Variants in COG8 observed in about 807,000 individuals in gnomAD.
COG8 encodes the protein conserved oligomeric Golgi complex subunit 8.
In COG8, 45 loss-of-function variants were observed where a neutral mutation model predicts 46.5. That is an observed-to-expected ratio of 0.97 (90% CI 0.76 to 1.24). The LOEUF is 1.24. Ranked by LOEUF, COG8 falls within the 50% of genes most tolerant of loss-of-function variation. The probability of loss-of-function intolerance (pLI) is 0.00; values close to 1 mark genes in which losing one functional copy is unlikely to be tolerated. For missense variants in COG8, 793 were observed against 820.8 expected, an observed-to-expected ratio of 0.97 and a Z score of 0.41; for synonymous variants, 407 against 347.8, an observed-to-expected ratio of 1.17 and a Z score of -1.90.
intron 2 of COG8, among the ~76,000 whole-genome samples, 173 bp downstream of exon 2, chr16:69,336,332 G>A (rs1162557025): frequency 6.6e-6 from 1 of 152,174 alleles, no homozygotes. Context: ...AGCAGTGCTT[G>A]GCACATGATT....
In COG8 at chr16:69,328,709, T is replaced by G. The variant is rs1378666158; in HGVS notation, c.*497A>C. 1 of 317,334 alleles carries G rather than the reference T, an allele frequency of 3.2e-6. No homozygotes were observed. The highest frequency in any genetic ancestry group is 9.2e-5 in the East Asian group (1 of 10,836). The allele number at this position is 317,334 out of a possible 1,614,324, so 19.7% of individuals were successfully genotyped here. A position where few individuals can be genotyped will look rare whatever the true frequency, so the allele number is the denominator to read the frequency against. On this transcript the variant is annotated 3_prime_UTR_variant, in exon 6 of 6. Coordinates refer to ENST00000306875, the MANE Select transcript of COG8 (RefSeq NM_032382.5). ...ACCAAACCTTGGCTTTGGGAGATTA[T>G]ACAGGTCCGAGGAACTCGTGTCTAC... is the stretch of plus-strand genomic sequence containing the variant.
At chr16:69,339,007 A>T in intron 1 of COG8, 169 bp downstream of exon 1, 2 of 904,606 alleles carry the variant, frequency 2.2e-6, no homozygotes, top group Non-Finnish European at 3.3e-6. Context: ...AAGATAAAAA[A>T]GGAATAACAG....
chr16:69,332,611 G>T (rs562235477), intron 4 of COG8, 103 bp downstream of exon 4: 4 of 1,096,460 alleles, frequency 3.6e-6, no homozygotes, highest in Non-Finnish European at 5.6e-6. Flanking sequence ...TCTAAAATTG[G>T]ATTCATATTT....
Position 69,330,825 on chromosome 16 carries a change from G to C in COG8, c.*14C>G. 1 of 1,532,302 alleles carries C rather than the reference G, an allele frequency of 6.5e-7. No individual in the cohort carries two copies. Among genetic ancestry groups the C allele is most frequent in the Non-Finnish European group, 8.7e-7 (1 of 1,143,792 alleles). The allele number at this position is 1,532,302 out of a possible 1,614,324, so 94.9% of individuals were successfully genotyped here. A position where few individuals can be genotyped will look rare whatever the true frequency, so the allele number is the denominator to read the frequency against. On this transcript the variant is annotated 3_prime_UTR_variant, in exon 5 of 6. Coordinates refer to ENST00000306875, the MANE Select transcript of COG8 (RefSeq NM_032382.5). ...GAACCTCACGCACCGCGTTCTGGAG[G>C]CAGGGGACGCCGGCTAGGGCCCCAC...
intron 5 of COG8, among the ~76,000 whole-genome samples, chr16:69,329,494 C>T (rs1245414154): frequency 6.6e-6 from 1 of 152,232 alleles, no homozygotes; most frequent in Non-Finnish European, 1.5e-5. Flanking sequence ...GCTCCCAACT[C>T]CTAACAGAGG....
At position 69,332,892 on chromosome 16, in the gene COG8, A is replaced by G. The variant is rs778127631; in HGVS notation, c.1414-10T>C. 8 of 1,613,988 alleles carry G rather than the reference A, an allele frequency of 5.0e-6. No homozygotes were observed. In the East Asian group the frequency reaches 1.1e-4, roughly 22 times the overall value. ...GGATTATTTTAGTTACCTAAGAGAC[A>G]AGGGCACCGTCAATTACTGGGACAG... On this transcript the variant is annotated splice_polypyrimidine_tract_variant and intron_variant, in intron 3 of 5. Coordinates refer to ENST00000306875, the MANE Select transcript of COG8 (RefSeq NM_032382.5).
rs760122728 is a variant in COG8 at position 69,335,011 on chromosome 16, G to T, written c.923C>A (p.Thr308Asn). 6.2e-7 allele frequency: 1 copy of T among 1,614,186 alleles called. No homozygotes were observed. Among genetic ancestry groups the T allele is most frequent in the South Asian group, 1.1e-5 (1 of 91,088 alleles). Reference protein sequence around the residue: ...PLLPPAMGEHTVNESAIFHGW... With the variant: ...PLLPPAMGEHNVNESAIFHGW... ...ATGGAAGATGGCACTCTCATTCACA[G>T]TGTGCTCACCCATGGCAGGGGGCAG... Residue 308 changes from threonine to asparagine, a missense_variant, in exon 3 of 6, where the codon ACT becomes AAT. By Grantham distance (65) the Thr-to-Asn change is moderately conservative. Transcript: ENST00000306875.
At chr16:69,329,202 G>A (rs2143299165) in intron 5 of COG8, 23 bp from the exon 6 acceptor site, 2 of 1,564,932 alleles carry the variant, frequency 1.3e-6, no homozygotes, top group Non-Finnish European at 8.6e-7. Flanking sequence ...TTACAGCCCT[G>A]GTGAGTGGGA....
chr16:69,338,888 G>A (rs2012361911), intron 1 of COG8, among the ~76,000 whole-genome samples: 2 of 152,206 alleles, frequency 1.3e-5, no homozygotes, highest in South Asian at 4.1e-4. Context: ...TACTCAGGAG[G>A]CTGAGGCAGG....
chr16:69,330,850 C>T lies in COG8; in HGVS notation c.1828G>A (p.Val610Met). 1 of 1,539,970 alleles carries T rather than the reference C, an allele frequency of 6.5e-7. No individual in the cohort carries two copies. Among genetic ancestry groups the T allele is most frequent in the Non-Finnish European group, 8.7e-7 (1 of 1,145,152 alleles). ...GCAGGGGACGCCGGCTAGGGCCCCA[C>T]GCTGGGCGGTTCGGCCTGCGTCTCC... is the stretch of plus-strand genomic sequence containing the variant. ...RAETQAEPPS[V>M]GP The change falls in exon 5 of 6, where the codon GTG becomes ATG. Residue 610 changes from valine to methionine, a missense_variant. Val to Met is a conservative substitution (Grantham distance 21, BLOSUM62 1). Transcript: ENST00000306875.
At position 69,336,659 on chromosome 16, in the gene COG8, A is replaced by G. The variant is rs1478708662; in HGVS notation, c.431T>C (p.Leu144Pro). 6.2e-7 allele frequency: 1 copy of G among 1,614,144 alleles called. No individual in the cohort carries two copies. The highest frequency in any genetic ancestry group is 1.7e-5 in the Admixed American group (1 of 60,026). Residue 144 changes from leucine (L) to proline (P), a missense_variant, in exon 2 of 6, where the codon CTG (leucine) becomes CCG (proline). Transcript: ENST00000306875. ...EISSNRRMNS[L>P]TLNRHTEILE... The stretch of plus-strand genomic sequence containing the variant: ...AATTTCTGTGTGCCGGTTTAGGGTC[A>G]GGCTATTCATCCGGCGGTTGGAGCT...
intron 5 of COG8, chr16:69,330,033 C>A: frequency 6.5e-7 from 1 of 1,545,466 alleles, no homozygotes; most frequent in Non-Finnish European, 8.7e-7. Context: ...GGCACGCAGG[C>A]CAGGAAGCCG....
At chr16:69,337,093 G>A (rs996479148) in intron 1 of COG8, among the ~76,000 whole-genome samples, 1 of 151,954 alleles carries the variant, frequency 6.6e-6, no homozygotes, top group African/African-American at 2.4e-5. Flanking sequence ...GAGGCCAGGA[G>A]TTCAAGTGAA....
intron 5 of COG8, 89 bp from the exon 6 acceptor site, chr16:69,329,268 TC>T: frequency 1.5e-6 from 2 of 1,375,162 alleles, no homozygotes; most frequent in Middle Eastern, 2.6e-4. Context: ...TCCTGGCTGT[TC>T]CCATTGACAA....
At chr16:69,334,318 C>A (rs1314312274) in intron 3 of COG8, among the ~76,000 whole-genome samples, 1 of 152,194 alleles carries the variant, frequency 6.6e-6, no homozygotes, top group Non-Finnish European at 1.5e-5. Context: ...CGAATTGTTA[C>A]TATAGGCAAA....
Position 69,336,616 on chromosome 16 carries a change from A to C in COG8, c.474T>G (p.Ile158Met), listed in dbSNP as rs1254377433. 6.2e-7 allele frequency: 1 copy of C among 1,614,176 alleles called. No homozygotes were observed. The highest frequency in any genetic ancestry group is 1.3e-5 in the African/African-American group (1 of 75,044). Residue 158 changes from isoleucine to methionine, a missense_variant, in exon 2 of 6, where the codon ATT (isoleucine) becomes ATG (methionine). Transcript: ENST00000306875. ...RHTEILEILE[I>M]PQLMDTCVRN... ...GGACACAGGTGTCCATGAGCTGAGGAATCTCCAGTATTTCCAAAATTTCTG... is the reference window on the plus strand; with the variant it reads ...GGACACAGGTGTCCATGAGCTGAGGCATCTCCAGTATTTCCAAAATTTCTG...
chr16:69,329,125 C>A lies in COG8; in HGVS notation c.*81G>T. ...GTGGTCCATCTCGTGCTGGATGATG[C>A]GGGCTGCCCACCCGCTCGCCTGCCA... On this transcript the variant is annotated 3_prime_UTR_variant, in exon 6 of 6. Coordinates refer to ENST00000306875, the MANE Select transcript of COG8 (RefSeq NM_032382.5). 1 of 1,609,184 alleles carries A rather than the reference C, an allele frequency of 6.2e-7. No individual in the cohort carries two copies.
In COG8 at chr16:69,330,549, G is replaced by C. The variant is rs775560162; in HGVS notation, c.*26+264C>G. ...GCCGCCCACAGTGGCCAAAGACTCA[G>C]CGCGCCCCACAGCCGGGCCATGGCG... On this transcript the variant is annotated intron_variant, in intron 5 of 5. Coordinates refer to ENST00000306875, the MANE Select transcript of COG8 (RefSeq NM_032382.5). 7.7e-5 allele frequency: 113 copies of C among 1,475,152 alleles called. No individual in the cohort carries two copies. Among genetic ancestry groups the C allele is most frequent in the Non-Finnish European group, 8.6e-5 (97 of 1,122,028 alleles). The allele number at this position is 1,475,152 out of a possible 1,614,324, so 91.4% of individuals were successfully genotyped here. A position where few individuals can be genotyped will look rare whatever the true frequency, so the allele number is the denominator to read the frequency against.
intron 3 of COG8, among the ~76,000 whole-genome samples, chr16:69,333,452 G>C (rs2012014886): frequency 6.6e-6 from 1 of 152,188 alleles, no homozygotes; most frequent in African/African-American, 2.4e-5. Flanking sequence ...ACAGGCGTGA[G>C]CCACTGCGCC....
Sources: gnomAD v4.1 joint callset for allele counts (sites outside exome capture counted in the v4.1 genomes callset) on GRCh38, gnomAD v4.1.1 for gene constraint, MANE v1.5 for transcripts, NCBI Gene and HGNC (gene_info 2026-07-23, HGNC 2026-07-21) for gene names.